The following NACA variants were observed in gnomAD, a reference collection of about 807,000 sequenced individuals.
NACA encodes the protein nascent polypeptide-associated complex subunit alpha.
Under a neutral mutation model 86.4 loss-of-function variants are expected in NACA, and 42 were observed. The observed-to-expected ratio is 0.49, with a 90% CI of 0.38 to 0.63. NACA has a LOEUF of 0.63. Ranked by LOEUF, NACA falls within the 20% of genes least tolerant of loss-of-function variation. The pLI, the probability that NACA is intolerant of heterozygous loss-of-function variation, is 0.00. For missense variants in NACA, 2,157 were observed against 2,483.6 expected (o/e 0.87, Z 2.80); for synonymous variants, 898 against 973.7 (o/e 0.92, Z 1.45).
chr12:56,723,345 T>G (rs1953623404), intron 2 of NACA, among the ~76,000 whole-genome samples: 1 of 152,222 alleles, frequency 6.6e-6, no homozygotes, highest in African/African-American at 2.4e-5. Flanking sequence ...TTATTCTAAA[T>G]TCATCTGAAT....
intron 5 of NACA, chr12:56,713,908 C>G (rs1953280971): frequency 6.0e-6 from 3 of 502,402 alleles, no homozygotes; most frequent in Admixed American, 7.1e-5. Flanking sequence ...GTGGTGCAAT[C>G]TCGGCTCAAT....
At position 56,719,498 on chromosome 12, in the gene NACA, C is replaced by T. The variant is rs372593565; in HGVS notation, c.2032G>A (p.Glu678Lys). 1.2e-6 allele frequency: 2 copies of T among 1,613,922 alleles called. No individual in the cohort carries two copies. ...TTAGGAGCTAAAGAGACAGTTCCTT[C>T]TAGAAAAGGGCTGGCTGTAGTTGTA... The part of the protein sequence containing the change: ...TYTTTASPFL[E>K]GTVSLAPKNH... Residue 678 changes from glutamate to lysine, a missense_variant, in exon 3 of 9, where the codon GAA becomes AAA. Physicochemically the swap from Glu to Lys is moderately conservative, Grantham distance 56 (BLOSUM62 1). Around this residue, in one of 8 missense-constraint regions of NACA, gnomAD observed 947 missense variants for 917.9 expected, o/e 1.03. Coordinates refer to ENST00000454682, the MANE Select transcript of NACA (RefSeq NM_001365896.1).
chr12:56,716,617 G>T lies in NACA; in HGVS notation c.4913C>A (p.Thr1638Asn). ...PATPAPKGTPTSPPVTPSSLK... is the reference protein window; with the variant it reads ...PATPAPKGTPNSPPVTPSSLK... ...GGAGGAAGGAGTCACAGGTGGGGAA[G>T]TGGGAGTCCCTTTGGGGGCTGGAGT... Residue 1638 changes from threonine (T) to asparagine (N), a missense_variant, in exon 3 of 9, where the codon ACT becomes AAT. Thr to Asn is a moderately conservative substitution (Grantham distance 65, BLOSUM62 0). This residue lies in a region of NACA where 797 missense variants were observed against 777.6 expected (regional missense o/e 1.02). Coordinates refer to ENST00000454682, the MANE Select transcript of NACA (RefSeq NM_001365896.1). The T allele has an allele frequency of 6.2e-6, 9 of 1,450,308 alleles. No homozygotes were observed. Among genetic ancestry groups the T allele is most frequent in the Non-Finnish European group, 8.4e-6 (9 of 1,073,796 alleles). 89.8% of individuals were successfully genotyped at this position (1,450,308 alleles called of 1,614,324 possible). A position where few individuals can be genotyped will look rare whatever the true frequency, so the allele number is the denominator to read the frequency against.
chr12:56,717,648 A>G lies in NACA; in HGVS notation c.3882T>C (p.Pro1294=). ...KGAPNPAVVT[P]PSPKGGPATS... ...TAGCTGGGCCTCCTTTTGGAGAGGG[A>G]GGAGTTACAACTGCGGGATTGGGGG... The change falls in exon 3 of 9, where the codon CCT becomes CCC. Residue 1294 remains proline (P), a synonymous_variant. Transcript: ENST00000454682. The G allele has an allele frequency of 8.4e-7, 1 of 1,191,016 alleles. No individual in the cohort carries two copies. The highest frequency in any genetic ancestry group is 2.1e-5 in the South Asian group (1 of 46,770). The allele number at this position is 1,191,016 out of a possible 1,614,324, so 73.8% of individuals were successfully genotyped here.
chr12:56,712,782 T>A lies in NACA; in HGVS notation c.6222+4A>T. The A allele has an allele frequency of 6.2e-7, 1 of 1,614,206 alleles. No homozygotes were observed. The highest frequency in any genetic ancestry group is 1.3e-5 in the African/African-American group (1 of 75,060). On this transcript the variant is annotated splice_donor_region_variant and intron_variant, in intron 8 of 8. Transcript: ENST00000454682. ...AGTCAAGGAACAAAGGCTTGAACAC[T>A]TACCATAATCGCATTTACAATATCA... is the stretch of plus-strand genomic sequence containing the variant.
intron 1 of NACA, 87 bp from the exon 2 acceptor site, chr12:56,724,610 G>A: frequency 7.1e-7 from 1 of 1,402,320 alleles, no homozygotes; most frequent in Non-Finnish European, 9.8e-7. Flanking sequence ...TAAAAACTCC[G>A]AGGAGGGCTG....
In NACA at chr12:56,718,987, T is replaced by G. The variant is rs1330407334; in HGVS notation, c.2543A>C (p.Asp848Ala). 2 of 1,446,804 alleles carry G rather than the reference T, an allele frequency of 1.4e-6. No homozygotes were observed. The highest frequency in any genetic ancestry group is 1.9e-6 in the Non-Finnish European group (2 of 1,071,202). 89.6% of individuals were successfully genotyped at this position (1,446,804 alleles called of 1,614,324 possible). Residue 848 changes from aspartate (D) to alanine (A), a missense_variant, in exon 3 of 9, where the codon GAC becomes GCC. By Grantham distance (126) the Asp-to-Ala change is moderately radical. This residue lies in a region of NACA where 174 missense variants were observed against 217.0 expected (regional missense o/e 0.80). Coordinates refer to ENST00000454682, the MANE Select transcript of NACA (RefSeq NM_001365896.1). ...GGGAGAATGCGTCGTGGCTGGTGAG[T>G]CTTTAGAGCCTTGGAAAGAAAGACT... ...ENSLSFQGSK[D>A]SPATTHSPTP...
At chr12:56,712,750 C>A (rs748884842) in intron 8 of NACA, 36 bp downstream of exon 8, 3 of 1,614,022 alleles carry the variant, frequency 1.9e-6, no homozygotes, top group Non-Finnish European at 1.7e-6. Context: ...TTGGTCAGGG[C>A]AGAGGGAGTC....
At chr12:56,721,894 A>G (rs1280937748) in intron 2 of NACA, among the ~76,000 whole-genome samples, 2 of 152,230 alleles carry the variant, frequency 1.3e-5, no homozygotes, top group Admixed American at 1.3e-4. Flanking sequence ...CACGAGAAGA[A>G]CAGCTGTGCT....
intron 2 of NACA, among the ~76,000 whole-genome samples, chr12:56,723,224 G>A (rs929756793): frequency 3.9e-5 from 6 of 152,060 alleles, no homozygotes; most frequent in Admixed American, 1.3e-4. Context: ...TTTATCATTG[G>A]TACTTCCTTA....
intron 2 of NACA, among the ~76,000 whole-genome samples, chr12:56,723,373 G>A (rs1011224817): frequency 1.3e-5 from 2 of 152,140 alleles, no homozygotes; most frequent in Non-Finnish European, 2.9e-5. Context: ...CTTCGTATTT[G>A]TAAAATTAAG....
Position 56,716,517 on chromosome 12 carries a change from C to G in NACA, c.5013G>C (p.Gly1671=). 6.7e-7 allele frequency: 1 copy of G among 1,493,818 alleles called. No individual in the cohort carries two copies. The highest frequency in any genetic ancestry group is 9.1e-7 in the Non-Finnish European group (1 of 1,103,232). The allele number at this position is 1,493,818 out of a possible 1,614,324, so 92.5% of individuals were successfully genotyped here. A position where few individuals can be genotyped will look rare whatever the true frequency, so the allele number is the denominator to read the frequency against. ...CTGTGGGGCCTTTCTTTGCTGGAAG[C>G]CCTTTAGATGCTTGAGGAACAGTGG... ...MGATVPQASK[G]LPAKKGPTAL... The change falls in exon 3 of 9, where the codon GGG becomes GGC. Residue 1671 remains glycine (G), a synonymous_variant. Transcript: ENST00000454682.
rs372131023 is a variant in NACA, at chr12:56,718,314, A to G, written c.3216T>C (p.Ala1072=). The change falls in exon 3 of 9, where the codon GCT becomes GCC. Residue 1072 remains alanine, a synonymous_variant. Transcript: ENST00000454682. ...ATLPSPKGGP[A]TPSLKGAPTP... ...TGGGGGCCCCCTTGAGGGATGGGGTAGCTGGACCTCCTTTTGGGGAGGGAA... is the reference window on the plus strand; with the variant it reads ...TGGGGGCCCCCTTGAGGGATGGGGTGGCTGGACCTCCTTTTGGGGAGGGAA... The G allele has an allele frequency of 4.5e-6, 5 of 1,119,254 alleles. No homozygotes were observed. Among genetic ancestry groups the G allele is most frequent in the Non-Finnish European group, 5.5e-6 (5 of 908,376 alleles). The allele number at this position is 1,119,254 out of a possible 1,614,324, so 69.3% of individuals were successfully genotyped here.
chr12:56,720,143 C>G lies in NACA; in HGVS notation c.1387G>C (p.Val463Leu). The change falls in exon 3 of 9, where the codon GTT (valine) becomes CTT (leucine). Residue 463 changes from valine to leucine, a missense_variant. Physicochemically the swap from Val to Leu is conservative, Grantham distance 32. Around this residue, in one of 8 missense-constraint regions of NACA, gnomAD observed 947 missense variants for 917.9 expected, o/e 1.03. Coordinates refer to ENST00000454682, the MANE Select transcript of NACA (RefSeq NM_001365896.1). ...PTTTFEVATCVSPPMSSGPIS... is the reference protein window; with the variant it reads ...PTTTFEVATCLSPPMSSGPIS... The stretch of plus-strand genomic sequence containing the variant: ...GGACCTGATGACATTGGAGGAGAAA[C>G]ACAAGTAGCTACCTCAAAGGTAGTA... The G allele has an allele frequency of 6.2e-7, 1 of 1,613,888 alleles. No individual in the cohort carries two copies. The highest frequency in any genetic ancestry group is 8.5e-7 in the Non-Finnish European group (1 of 1,179,872).
At chr12:56,723,325 T>G (rs1953623177) in intron 2 of NACA, among the ~76,000 whole-genome samples, 1 of 152,234 alleles carries the variant, frequency 6.6e-6, no homozygotes. Flanking sequence ...GTTTTGAAGC[T>G]TGAATCAGAT....
chr12:56,722,522 T>C (rs1025972979), intron 2 of NACA, among the ~76,000 whole-genome samples: 4 of 152,120 alleles, frequency 2.6e-5, no homozygotes, highest in South Asian at 2.1e-4. Context: ...ACCCCGTCTC[T>C]ACTAAAAATA....
Position 56,716,471 on chromosome 12 carries a change from C to T in NACA, c.5059G>A (p.Ala1687Thr). 6.4e-7 allele frequency: 1 copy of T among 1,553,176 alleles called. No homozygotes were observed. The highest frequency in any genetic ancestry group is 8.8e-7 in the Non-Finnish European group (1 of 1,141,832). Residue 1687 changes from alanine (A) to threonine (T), a missense_variant, in exon 3 of 9, where the codon GCC becomes ACC. Coordinates refer to ENST00000454682, the MANE Select transcript of NACA (RefSeq NM_001365896.1). Reference protein sequence around the residue: ...GPTALKEVLVAPAPESTPIIT... With the variant: ...GPTALKEVLVTPAPESTPIIT... ...ATTGGCGTGCTTTCTGGAGCTGGGG[C>T]AACAAGTACTTCTTTCAGAGCTGTG...
At position 56,716,423 on chromosome 12, in the gene NACA, C is replaced by T. The variant is rs772601582; in HGVS notation, c.5107G>A (p.Gly1703Ser). ...GCAGAACTCTTTTTGGTCTGTGGACCTTTCCGAGTGGGAGCTGTGATGATT... is the reference window on the plus strand; with the variant it reads ...GCAGAACTCTTTTTGGTCTGTGGACTTTTCCGAGTGGGAGCTGTGATGATT... The part of the protein sequence containing the change: ...TPIITAPTRK[G>S]PQTKKSSATS... Residue 1703 changes from glycine to serine, a missense_variant, in exon 3 of 9, where the codon GGT (glycine) becomes AGT (serine). Around this residue, in one of 8 missense-constraint regions of NACA, gnomAD observed 797 missense variants for 777.6 expected, o/e 1.02. Coordinates refer to ENST00000454682, the MANE Select transcript of NACA (RefSeq NM_001365896.1). 3 of 1,594,222 alleles carry T rather than the reference C, an allele frequency of 1.9e-6. No homozygotes were observed. The Admixed American group carries it at 5.1e-5, about 27-fold the overall frequency.
intron 5 of NACA, chr12:56,713,989 G>A (rs924619440): frequency 4.8e-5 from 19 of 398,538 alleles, no homozygotes; most frequent in Admixed American, 2.9e-4. Context: ...TTACAGGAGC[G>A]TTACCACCAT....
Sources: allele counts gnomAD v4.1 joint callset (sites outside exome capture counted in the v4.1 genomes callset), GRCh38; gene constraint gnomAD v4.1.1; regional missense constraint gnomAD v4.1.1; transcripts MANE v1.5; gene names NCBI Gene and HGNC (gene_info 2026-07-23, HGNC 2026-07-21).